TAFA4: variants seen among roughly 807,000 people sequenced by gnomAD.
The protein encoded by TAFA4 is TAFA chemokine like family member 4, also known as chemokine-like protein TAFA-4.
In TAFA4, 20 loss-of-function variants were observed where a neutral mutation model predicts 21.1. The observed-to-expected ratio is 0.95, with a 90% CI of 0.67 to 1.38. TAFA4 has a LOEUF of 1.38. TAFA4 is among the 40% of genes most tolerant of loss of function. TAFA4 has a pLI of 0.00. For synonymous variants in TAFA4, 71 were observed against 67.4 expected (o/e 1.05, Z -0.26); for missense variants, 211 against 180.9 (o/e 1.17, Z -0.95).
chr3:68,749,016 G>T (rs1702512807), intron 4 of TAFA4, among the ~76,000 whole-genome samples: 1 of 152,172 alleles, frequency 6.6e-6, no homozygotes, highest in African/African-American at 2.4e-5. Context: ...GCCAGCCGAA[G>T]ATTCACAAAG....
At position 68,789,655 on chromosome 3, in the gene TAFA4, T is replaced by C. The variant is rs148603853; in HGVS notation, c.131-36637A>G. On this transcript the variant is annotated intron_variant, in intron 3 of 5. Coordinates refer to ENST00000295569, the MANE Select transcript of TAFA4 (RefSeq NM_182522.5). ...TGTTATGCTTTATTTGCTTATTTACTGTCTATCCCCCTACACATGATGCTC... is the reference window on the plus strand; with the variant it reads ...TGTTATGCTTTATTTGCTTATTTACCGTCTATCCCCCTACACATGATGCTC... Among the ~76,000 whole-genome samples, 482 of 152,134 alleles carry C rather than the reference T, an allele frequency of 3.2e-3. 1 individual carries two copies. The highest frequency in any genetic ancestry group is 6.8e-3 in the African/African-American group (281 of 41,554).
chr3:68,869,768 A>T lies in TAFA4; in HGVS notation c.130+10962T>A, dbSNP rs143846160. ...ACAGCTAACATACTGCTTGGGGGGAAATTGAAAGACATTTCTCTAAGATCT... is the reference window on the plus strand; with the variant it reads ...ACAGCTAACATACTGCTTGGGGGGATATTGAAAGACATTTCTCTAAGATCT... On this transcript the variant is annotated intron_variant, in intron 3 of 5. Transcript: ENST00000295569. 6.2e-4 allele frequency among the ~76,000 whole-genome samples: 94 copies of T among 152,214 alleles called. 1 individual carries two copies. Among genetic ancestry groups the T allele is most frequent in the African/African-American group, 2.2e-3 (93 of 41,552 alleles).
chr3:68,841,916 T>C (rs1206899537), intron 3 of TAFA4, among the ~76,000 whole-genome samples: 2 of 152,218 alleles, frequency 1.3e-5, no homozygotes, highest in Non-Finnish European at 2.9e-5. Context: ...ATGGTGTATA[T>C]GTGCCATATT....
intron 3 of TAFA4, among the ~76,000 whole-genome samples, chr3:68,816,235 C>T (rs1235887902): frequency 6.6e-6 from 1 of 152,070 alleles, no homozygotes; most frequent in Non-Finnish European, 1.5e-5. Context: ...TTAATGGGTG[C>T]AGCACACCAA....
chr3:68,922,482 A>G (rs1465578045), intron 1 of TAFA4, among the ~76,000 whole-genome samples: 1 of 152,236 alleles, frequency 6.6e-6, no homozygotes, highest in Non-Finnish European at 1.5e-5. Context: ...AAAAATTGCA[A>G]TCAGCATAAA....
rs565782154 is a variant in TAFA4, at chr3:68,752,306, A to G, written c.286+557T>C. Among the ~76,000 whole-genome samples the G allele has an allele frequency of 7.9e-5, 12 of 152,290 alleles. No individual in the cohort carries two copies. In the South Asian group the frequency reaches 1.5e-3, roughly 18 times the overall value. ...AAATCAATCCCAGGCCTCCACCTAC[A>G]ACCATCAACATTCATATATATTTTT... is the stretch of plus-strand genomic sequence containing the variant. On this transcript the variant is annotated intron_variant, in intron 4 of 5. Transcript: ENST00000295569.
intron 3 of TAFA4, among the ~76,000 whole-genome samples, chr3:68,838,706 T>C (rs905704008): frequency 1.3e-5 from 2 of 152,130 alleles, no homozygotes; most frequent in South Asian, 2.1e-4. Context: ...TTCTCAGTTA[T>C]GAAAAAGACA....
intron 3 of TAFA4, among the ~76,000 whole-genome samples, chr3:68,758,071 T>C (rs986889601): frequency 6.6e-6 from 1 of 152,034 alleles, no homozygotes; most frequent in Non-Finnish European, 1.5e-5. Flanking sequence ...TGAGAAGAGG[T>C]GAGATTCAAA....
chr3:68,860,867 T>C (rs1252010667), intron 3 of TAFA4, among the ~76,000 whole-genome samples: 2 of 152,160 alleles, frequency 1.3e-5, no homozygotes, highest in Admixed American at 6.5e-5. Context: ...ATCATTGGGC[T>C]GTGACCCGAA....
At chr3:68,863,241 G>A (rs950650345) in intron 3 of TAFA4, among the ~76,000 whole-genome samples, 6 of 151,762 alleles carry the variant, frequency 4.0e-5, no homozygotes, top group Non-Finnish European at 5.9e-5. Context: ...GTGAGACCCT[G>A]TCTCAAAAAA....
intron 4 of TAFA4, among the ~76,000 whole-genome samples, chr3:68,741,745 T>C (rs1471600312): frequency 1.3e-5 from 2 of 151,832 alleles, no homozygotes; most frequent in Admixed American, 1.3e-4. Context: ...TGAGCTGAGA[T>C]CACGCCAGTG....
intron 3 of TAFA4, among the ~76,000 whole-genome samples, chr3:68,757,078 T>G (rs1702673116): frequency 6.6e-6 from 1 of 152,184 alleles, no homozygotes; most frequent in Non-Finnish European, 1.5e-5. Context: ...TGTCTCAGTC[T>G]GCTTGGGCTG....
At chr3:68,799,268 T>C (rs780219143) in intron 3 of TAFA4, among the ~76,000 whole-genome samples, 13 of 152,148 alleles carry the variant, frequency 8.5e-5, no homozygotes, top group African/African-American at 2.7e-4. Flanking sequence ...GGCTGGGAAG[T>C]CCAAGATCAA....
intron 3 of TAFA4, among the ~76,000 whole-genome samples, chr3:68,795,293 G>GT (rs2106818806): frequency 6.6e-6 from 1 of 151,114 alleles, no homozygotes; most frequent in East Asian, 1.9e-4. Flanking sequence ...GGGCCATTCA[G>GT]TATCCATTAC....
intron 1 of TAFA4, among the ~76,000 whole-genome samples, chr3:68,908,711 T>C (rs1351399725): frequency 2.0e-5 from 3 of 152,128 alleles, no homozygotes; most frequent in Non-Finnish European, 4.4e-5. Context: ...TCAAGATGAG[T>C]AAGTCATACA....
intron 4 of TAFA4, among the ~76,000 whole-genome samples, chr3:68,743,734 G>T (rs144459965): frequency 1.2e-3 from 187 of 152,276 alleles, no homozygotes; most frequent in African/African-American, 4.4e-3. Context: ...CCAGAAAGGG[G>T]AGCCAGATGG....
chr3:68,732,007 T>A lies in TAFA4; in HGVS notation c.*1135A>T, dbSNP rs6774231. 27 of 152,578 alleles carry A rather than the reference T, an allele frequency of 1.8e-4. No individual in the cohort carries two copies. Among genetic ancestry groups the A allele is most frequent in the African/African-American group, 6.5e-4 (27 of 41,560 alleles). The allele number at this position is 152,578 out of a possible 1,614,324, so 9.5% of individuals were successfully genotyped here. On this transcript the variant is annotated 3_prime_UTR_variant, in exon 6 of 6. Transcript: ENST00000295569. The stretch of plus-strand genomic sequence containing the variant: ...TTCTTAATATATAAAATTCATCCCA[T>A]ATTTTTACAGTAGTATGTACTTTAA...
chr3:68,899,385 A>G (rs2089822776), intron 1 of TAFA4, among the ~76,000 whole-genome samples: 1 of 152,178 alleles, frequency 6.6e-6, no homozygotes, highest in Non-Finnish European at 1.5e-5. Flanking sequence ...TCCACAGACA[A>G]TAATATACCC....
chr3:68,817,606 C>T (rs1244291894), intron 3 of TAFA4, among the ~76,000 whole-genome samples: 1 of 152,106 alleles, frequency 6.6e-6, no homozygotes, highest in African/African-American at 2.4e-5. Flanking sequence ...AGTAATAAGA[C>T]TTGTAAGTTG....
Sources: gnomAD v4.1 joint callset for allele counts (sites outside exome capture counted in the v4.1 genomes callset) on GRCh38, gnomAD v4.1.1 for gene constraint, MANE v1.5 for transcripts, NCBI Gene and HGNC (gene_info 2026-07-23, HGNC 2026-07-21) for gene names.